The following IGF2BP2 variants were observed in gnomAD, a reference collection of about 807,000 sequenced individuals.
IGF2BP2 encodes the protein insulin-like growth factor 2 mRNA-binding protein 2.
IGF2BP2 carries 17 observed loss-of-function variants against 75.8 expected under a neutral mutation model. The observed-to-expected ratio is 0.22, with a 90% CI of 0.15 to 0.34. The LOEUF is 0.34. Ranked by LOEUF, IGF2BP2 falls within the 10% of genes least tolerant of loss-of-function variation. The pLI is 1.00. For missense variants in IGF2BP2, 516 were observed against 772.4 expected (o/e 0.67, Z 3.93); for synonymous variants, 288 against 295.6 (o/e 0.97, Z 0.26).
At chr3:185,754,818 T>C (rs1731398634) in intron 2 of IGF2BP2, among the ~76,000 whole-genome samples, 1 of 152,118 alleles carries the variant, frequency 6.6e-6, no homozygotes, top group Non-Finnish European at 1.5e-5. Flanking sequence ...ACACTTAGGG[T>C]ATCTGGTGGA....
Position 185,675,643 on chromosome 3 carries a change from TTATG to T in IGF2BP2, c.935+144_935+147del, listed in dbSNP as rs939745382. ...TGAAAAATGTCTACCTGGTAAGTAT[TTATG>T]TATTTTTTTAAAAGATGATGGAGAT... On this transcript the variant is annotated intron_variant, in intron 8 of 15. Coordinates refer to ENST00000382199, the MANE Select transcript of IGF2BP2 (RefSeq NM_006548.6). 4.4e-6 allele frequency: 5 copies of T among 1,144,718 alleles called. No individual in the cohort carries two copies. The African/African-American group carries it at 7.8e-5, about 18-fold the overall frequency. 70.9% of individuals were successfully genotyped at this position (1,144,718 alleles called of 1,614,324 possible). A position where few individuals can be genotyped will look rare whatever the true frequency, so the allele number is the denominator to read the frequency against.
intron 2 of IGF2BP2, among the ~76,000 whole-genome samples, chr3:185,772,550 T>C (rs1734015352): frequency 6.6e-6 from 1 of 151,282 alleles, no homozygotes; most frequent in African/African-American, 2.4e-5. Flanking sequence ...ATAATCCCTA[T>C]ACAACTCCTT....
chr3:185,792,458 A>AT (rs934613378), intron 2 of IGF2BP2, among the ~76,000 whole-genome samples: 177 of 149,340 alleles, frequency 1.2e-3, no homozygotes, highest in East Asian at 2.0e-3. Context: ...TACAAAAATT[A>AT]TTTTTTTTTT....
At chr3:185,786,462 C>G (rs1219970728) in intron 2 of IGF2BP2, among the ~76,000 whole-genome samples, 1 of 152,138 alleles carries the variant, frequency 6.6e-6, no homozygotes, top group Non-Finnish European at 1.5e-5. Context: ...TTGTTCCTGC[C>G]CCACCTTAAC....
At chr3:185,819,899 A>G (rs1250538294) in intron 2 of IGF2BP2, among the ~76,000 whole-genome samples, 6 of 152,036 alleles carry the variant, frequency 3.9e-5, no homozygotes, top group Non-Finnish European at 7.4e-5. Context: ...TGTAGTACAT[A>G]CAAGCAAAAT....
At chr3:185,747,623 G>A (rs1376336939) in intron 2 of IGF2BP2, among the ~76,000 whole-genome samples, 1 of 152,016 alleles carries the variant, frequency 6.6e-6, no homozygotes, top group African/African-American at 2.4e-5. Context: ...AGGTTGCAGT[G>A]AGCTAAGATC....
At chr3:185,822,259 G>A (rs1230017256) in intron 2 of IGF2BP2, among the ~76,000 whole-genome samples, 1 of 152,122 alleles carries the variant, frequency 6.6e-6, no homozygotes, top group Non-Finnish European at 1.5e-5. Flanking sequence ...AAACTTCATT[G>A]AACAGCTCCA....
chr3:185,675,131 A>G (rs1236604593), intron 9 of IGF2BP2, 165 bp downstream of exon 9: 1 of 587,782 alleles, frequency 1.7e-6, no homozygotes, highest in Non-Finnish European at 2.9e-6. Context: ...TGTCCAGCGC[A>G]CTTATCATAA....
intron 2 of IGF2BP2, among the ~76,000 whole-genome samples, chr3:185,705,325 G>GT (rs1235554915): frequency 1.3e-5 from 2 of 152,166 alleles, no homozygotes; most frequent in African/African-American, 4.8e-5. Flanking sequence ...TCGATCTCCT[G>GT]ACCTCGTGAT....
chr3:185,798,575 T>C (rs1410081051), intron 2 of IGF2BP2, among the ~76,000 whole-genome samples: 1 of 152,126 alleles, frequency 6.6e-6, no homozygotes, highest in Non-Finnish European at 1.5e-5. Context: ...TTATGACACA[T>C]TATTGGTCCC....
At chr3:185,781,928 A>G (rs543090404) in intron 2 of IGF2BP2, among the ~76,000 whole-genome samples, 8 of 152,280 alleles carry the variant, frequency 5.3e-5, no homozygotes, top group South Asian at 2.1e-4. Context: ...GGGAGTTCAT[A>G]GTATGACTAA....
At chr3:185,805,810 C>A (rs996441274) in intron 2 of IGF2BP2, among the ~76,000 whole-genome samples, 5 of 144,992 alleles carry the variant, frequency 3.4e-5, no homozygotes, top group Admixed American at 2.1e-4. Context: ...TCACTCTTGT[C>A]ACCCAGGCTG....
At chr3:185,674,081 G>A (rs754964845) in intron 9 of IGF2BP2, among the ~76,000 whole-genome samples, 17 of 152,192 alleles carry the variant, frequency 1.1e-4, no homozygotes, top group Admixed American at 6.5e-5. Flanking sequence ...GTGGGGGTCG[G>A]GGTGAGATGG....
At chr3:185,726,696 C>G (rs915377321) in intron 2 of IGF2BP2, among the ~76,000 whole-genome samples, 1 of 152,194 alleles carries the variant, frequency 6.6e-6, no homozygotes, top group Non-Finnish European at 1.5e-5. Context: ...CACAGCAAGT[C>G]AAAAGCCAAG....
chr3:185,702,839 C>T (rs1446366477), intron 2 of IGF2BP2, among the ~76,000 whole-genome samples: 1 of 152,216 alleles, frequency 6.6e-6, no homozygotes, highest in Non-Finnish European at 1.5e-5. Context: ...TCAGCTCACC[C>T]TCAAACAGAA....
intron 2 of IGF2BP2, chr3:185,713,570 T>C: frequency 2.0e-6 from 1 of 496,678 alleles, no homozygotes; most frequent in Middle Eastern, 3.3e-4. Context: ...ATTGTTTATT[T>C]CACATGGAGC....
At chr3:185,679,263 G>A (rs188505061) in intron 7 of IGF2BP2, among the ~76,000 whole-genome samples, 69 of 150,638 alleles carry the variant, frequency 4.6e-4, no homozygotes, top group Non-Finnish European at 1.3e-4. Flanking sequence ...TCTTTTGTGC[G>A]TTCTCATAGA....
At chr3:185,798,468 T>A (rs890907278) in intron 2 of IGF2BP2, among the ~76,000 whole-genome samples, 7 of 152,222 alleles carry the variant, frequency 4.6e-5, no homozygotes, top group Non-Finnish European at 7.3e-5. Context: ...TATGACCACA[T>A]GAATTTTTCT....
chr3:185,795,330 T>C (rs1216735487), intron 2 of IGF2BP2, among the ~76,000 whole-genome samples: 1 of 152,356 alleles, frequency 6.6e-6, no homozygotes, highest in East Asian at 1.9e-4. Flanking sequence ...GCTGAAAATA[T>C]TCCACTGTAT....
Sources: gnomAD v4.1 joint callset for allele counts (sites outside exome capture counted in the v4.1 genomes callset) on GRCh38, gnomAD v4.1.1 for gene constraint, MANE v1.5 for transcripts, NCBI Gene and HGNC (gene_info 2026-07-23, HGNC 2026-07-21) for gene names.